The following SLC44A5 variants were observed in gnomAD, a reference collection of about 807,000 sequenced individuals.
SLC44A5 encodes choline transporter-like protein 5.
Under a neutral mutation model 101.8 loss-of-function variants are expected in SLC44A5, and 57 were observed. That is an observed-to-expected ratio of 0.56 (90% CI 0.45 to 0.70). SLC44A5 has a LOEUF of 0.70. Ranked by LOEUF, SLC44A5 falls within the 30% of genes least tolerant of loss-of-function variation. The pLI, the probability that SLC44A5 is intolerant of heterozygous loss-of-function variation, is 0.00. For synonymous variants in SLC44A5, 281 were observed against 290.9 expected (o/e 0.97, Z 0.35); for missense variants, 737 against 853.1 (o/e 0.86, Z 1.70).
At chr1:75,233,937 T>G (rs1388428545) in intron 12 of SLC44A5, 49 bp downstream of exon 12, 2 of 1,345,136 alleles carry the variant, frequency 1.5e-6, no homozygotes. Context: ...CGATTGAAAA[T>G]AAAAGGATTA....
chr1:75,508,757 A>C (rs142139825), intron 2 of SLC44A5, among the ~76,000 whole-genome samples: 129 of 142,496 alleles, frequency 9.1e-4, no homozygotes, highest in Non-Finnish European at 1.4e-3. Context: ...GATGAAATGG[A>C]GACTTCCTTC....
At chr1:75,649,342 G>C in the SLC44A5 span, among the ~76,000 whole-genome samples, 1 of 152,082 alleles carries the variant, frequency 6.6e-6, no homozygotes, top group East Asian at 1.9e-4. Context: ...CTCCTGAAGT[G>C]TTATTTCTAT....
At chr1:75,465,656 G>T (rs888710054) in intron 2 of SLC44A5, among the ~76,000 whole-genome samples, 2 of 151,874 alleles carry the variant, frequency 1.3e-5, no homozygotes, top group Non-Finnish European at 2.9e-5. Context: ...GAAAAAAAGA[G>T]AGAAGACCCA....
chr1:75,708,827 A>T, the SLC44A5 span, among the ~76,000 whole-genome samples: 2 of 152,212 alleles, frequency 1.3e-5, no homozygotes, highest in African/African-American at 4.8e-5. Context: ...GCTATATATC[A>T]AATATTAACA....
chr1:75,444,455 GAA>G lies in SLC44A5; in HGVS notation c.14-47836_14-47835del, dbSNP rs1491219213. On this transcript the variant is annotated intron_variant, in intron 2 of 23. Transcript: ENST00000370859. ...AAAGACAGAGAAAGAAAGAAAGAAAGAAAAAGAAAAAAAGAAAGAGAAAGAAA... is the reference window on the plus strand; with the variant it reads ...AAAGACAGAGAAAGAAAGAAAGAAAGAAAGAAAAAAAGAAAGAGAAAGAAA... Among the ~76,000 whole-genome samples the G allele has an allele frequency of 3.4e-5, 4 of 117,730 alleles. No homozygotes were observed. The East Asian group carries it at 6.9e-4, about 20-fold the overall frequency. 77.2% of individuals were successfully genotyped at this position (117,730 alleles called of 152,430 possible).
rs17096967 is a variant in SLC44A5 at position 75,557,753 on chromosome 1, C to A, written c.-69-16237G>T. 9.4e-3 allele frequency among the ~76,000 whole-genome samples: 1,424 copies of A among 152,034 alleles called. 22 individuals carry two copies. The highest frequency in any genetic ancestry group is 0.032 in the African/African-American group (1,336 of 41,454). ...CTTAGTGTCTGTCCAGTATTTTGGT[C>A]AATTAGAATTTATGTAATTTATTTG... On this transcript the variant is annotated intron_variant, in intron 1 of 23. Transcript: ENST00000370859.
rs548990993 is a variant in SLC44A5 at position 75,409,111 on chromosome 1, T to A, written c.14-12490A>T. On this transcript the variant is annotated intron_variant, in intron 2 of 23. Coordinates refer to ENST00000370859, the MANE Select transcript of SLC44A5 (RefSeq NM_001130058.2). ...ACGCACAAAATACCACATCTTCGCT[T>A]ATAAATGGACGCTTAACAATGAGTC... Among the ~76,000 whole-genome samples the A allele has an allele frequency of 6.6e-5, 10 of 152,250 alleles. No homozygotes were observed. In the South Asian group the frequency reaches 1.7e-3, roughly 25 times the overall value.
At chr1:75,338,704 TG>T (rs1359894587) in intron 4 of SLC44A5, among the ~76,000 whole-genome samples, 1 of 152,198 alleles carries the variant, frequency 6.6e-6, no homozygotes, top group Non-Finnish European at 1.5e-5. Flanking sequence ...ACAAATGACT[TG>T]TTTTTTTACA....
At chr1:75,349,107 T>C (rs1000940000) in intron 3 of SLC44A5, among the ~76,000 whole-genome samples, 20 of 152,202 alleles carry the variant, frequency 1.3e-4, no homozygotes, top group Non-Finnish European at 8.8e-5. Context: ...CCCAGCACTT[T>C]GGGAGGCCAA....
chr1:75,557,107 A>G (rs1672261240), intron 1 of SLC44A5, among the ~76,000 whole-genome samples: 1 of 152,160 alleles, frequency 6.6e-6, no homozygotes, highest in African/African-American at 2.4e-5. Context: ...GATAGAAGCC[A>G]GAGCAGCAAA....
intron 1 of SLC44A5, among the ~76,000 whole-genome samples, chr1:75,584,693 C>T (rs1472906024): frequency 6.6e-6 from 1 of 151,952 alleles, no homozygotes; most frequent in African/African-American, 2.4e-5. Context: ...ATTCTCATGC[C>T]TCAGCATTCC....
At chr1:75,575,580 A>C (rs539094071) in intron 1 of SLC44A5, among the ~76,000 whole-genome samples, 5 of 152,344 alleles carry the variant, frequency 3.3e-5, no homozygotes, top group African/African-American at 1.2e-4. Flanking sequence ...ATAATTCTTT[A>C]AAAACTGTGT....
At chr1:75,323,810 T>G (rs1656368939) in intron 4 of SLC44A5, among the ~76,000 whole-genome samples, 1 of 152,210 alleles carries the variant, frequency 6.6e-6, no homozygotes, top group African/African-American at 2.4e-5. Context: ...CTCTAAAGTC[T>G]TTTTAAAGAA....
intron 2 of SLC44A5, among the ~76,000 whole-genome samples, chr1:75,458,295 A>G (rs913647523): frequency 1.3e-5 from 2 of 152,358 alleles, no homozygotes; most frequent in South Asian, 2.1e-4. Context: ...GGCATAAAGC[A>G]TGAAGAAATG....
chr1:75,626,798 C>A, the SLC44A5 span, among the ~76,000 whole-genome samples: 120 of 152,220 alleles, frequency 7.9e-4, no homozygotes, highest in African/African-American at 2.7e-3. Flanking sequence ...CACATTGATG[C>A]CTTGGTTATC....
chr1:75,344,131 A>G (rs1202208701), intron 3 of SLC44A5, among the ~76,000 whole-genome samples: 1 of 152,010 alleles, frequency 6.6e-6, no homozygotes, highest in Non-Finnish European at 1.5e-5. Context: ...GGAGGCCTAC[A>G]CTTCCCCTCA....
intron 1 of SLC44A5, among the ~76,000 whole-genome samples, chr1:75,601,602 T>A (rs780658909): frequency 2.0e-5 from 3 of 152,054 alleles, no homozygotes; most frequent in Non-Finnish European, 4.4e-5. Context: ...GCCAATATTA[T>A]AACAGGTAAG....
intron 2 of SLC44A5, among the ~76,000 whole-genome samples, chr1:75,464,606 T>C (rs1666709846): frequency 6.6e-6 from 1 of 151,868 alleles, no homozygotes; most frequent in Non-Finnish European, 1.5e-5. Flanking sequence ...ATATACTGAC[T>C]GAATGGATGG....
intron 2 of SLC44A5, among the ~76,000 whole-genome samples, chr1:75,530,834 C>G (rs550153001): frequency 2.5e-4 from 38 of 152,190 alleles, no homozygotes; most frequent in Non-Finnish European, 5.3e-4. Flanking sequence ...TATGACTTTC[C>G]AAATAAATAC....
Sources: allele counts gnomAD v4.1 joint callset (sites outside exome capture counted in the v4.1 genomes callset), GRCh38; gene constraint gnomAD v4.1.1; transcripts MANE v1.5; gene names NCBI Gene and HGNC (gene_info 2026-07-23, HGNC 2026-07-21).